SMYD3: variants seen among roughly 807,000 people sequenced by gnomAD.
The protein encoded by SMYD3 is histone-lysine N-methyltransferase SMYD3.
SMYD3 carries 36 observed loss-of-function variants against 57.7 expected under a neutral mutation model. That is an observed-to-expected ratio of 0.62 (90% CI 0.48 to 0.82). The LOEUF is 0.82. SMYD3 is among the 40% of genes least tolerant of loss of function. The probability of loss-of-function intolerance (pLI) is 0.00; values close to 1 mark genes in which losing one functional copy is unlikely to be tolerated. For missense variants in SMYD3, 515 were observed against 538.8 expected (o/e 0.96, Z 0.44); for synonymous variants, 211 against 195.0 (o/e 1.08, Z -0.68).
chr1:246,325,489 A>T (rs541559360), intron 5 of SMYD3, among the ~76,000 whole-genome samples: 8 of 152,252 alleles, frequency 5.3e-5, no homozygotes, highest in Non-Finnish European at 1.2e-4. Flanking sequence ...AAAATCTCAA[A>T]ACTGTGTATT....
chr1:246,452,868 A>G (rs1468540817), intron 1 of SMYD3, among the ~76,000 whole-genome samples: 1 of 152,218 alleles, frequency 6.6e-6, no homozygotes, highest in Non-Finnish European at 1.5e-5. Flanking sequence ...CATTACTGAA[A>G]CACTAAAACA....
chr1:245,965,178 A>G (rs1353876379), intron 5 of SMYD3, among the ~76,000 whole-genome samples: 1 of 152,246 alleles, frequency 6.6e-6, no homozygotes, highest in Non-Finnish European at 1.5e-5. Context: ...TCAAAATAAT[A>G]GCAACAATGT....
At chr1:246,006,499 C>G (rs981416138) in intron 5 of SMYD3, among the ~76,000 whole-genome samples, 1 of 152,138 alleles carries the variant, frequency 6.6e-6, no homozygotes, top group Non-Finnish European at 1.5e-5. Context: ...CTGTCTTTCC[C>G]CACATACTTA....
intron 5 of SMYD3, among the ~76,000 whole-genome samples, chr1:246,279,511 C>T (rs775990593): frequency 2.6e-5 from 4 of 152,044 alleles, no homozygotes; most frequent in African/African-American, 9.7e-5. Context: ...CAGAGTAAGA[C>T]TCCTTCTCAA....
intron 1 of SMYD3, among the ~76,000 whole-genome samples, chr1:246,359,889 G>C (rs947538026): frequency 6.6e-6 from 1 of 152,096 alleles, no homozygotes; most frequent in Non-Finnish European, 1.5e-5. Flanking sequence ...CATTCCCCCT[G>C]AGAAATGAAA....
intron 1 of SMYD3, among the ~76,000 whole-genome samples, chr1:246,465,270 A>G (rs1054044721): frequency 6.6e-6 from 1 of 152,212 alleles, no homozygotes; most frequent in Non-Finnish European, 1.5e-5. Flanking sequence ...ATGGCAGGAG[A>G]TGGTATTCTA....
intron 5 of SMYD3, among the ~76,000 whole-genome samples, chr1:245,987,897 A>C (rs2058734175): frequency 6.6e-6 from 1 of 152,210 alleles, no homozygotes; most frequent in African/African-American, 2.4e-5. Flanking sequence ...CATCTCTGAA[A>C]CTTAAAAAGA....
intron 8 of SMYD3, among the ~76,000 whole-genome samples, chr1:245,910,109 G>A (rs887430000): frequency 6.6e-6 from 1 of 152,018 alleles, no homozygotes; most frequent in African/African-American, 2.4e-5. Flanking sequence ...CAGTTAAGTC[G>A]CAGGATACAA....
intron 5 of SMYD3, among the ~76,000 whole-genome samples, chr1:246,063,645 T>TTCTC (rs559302426): frequency 1.4e-5 from 2 of 139,604 alleles, no homozygotes; most frequent in East Asian, 5.0e-4. Context: ...CTCCCTCCCT[T>TTCTC]TCTCTCTCTC....
Position 246,507,273 on chromosome 1 carries a change from A to C in SMYD3, c.-56T>G. 7.0e-7 allele frequency: 1 copy of C among 1,437,906 alleles called. No individual in the cohort carries two copies. The highest frequency in any genetic ancestry group is 9.2e-7 in the Non-Finnish European group (1 of 1,089,286). The allele number at this position is 1,437,906 out of a possible 1,614,324, so 89.1% of individuals were successfully genotyped here. A position where few individuals can be genotyped will look rare whatever the true frequency, so the allele number is the denominator to read the frequency against. ...ACCCGCGTCCAGCAGCGGGCGTCTC[A>C]CGGGCTGCCGGGACCCGCGCGCCTG... is the stretch of plus-strand genomic sequence containing the variant. On this transcript the variant is annotated 5_prime_UTR_variant, in exon 1 of 12. Coordinates refer to ENST00000490107, the MANE Select transcript of SMYD3 (RefSeq NM_001167740.2).
chr1:245,909,503 CAA>C (rs1249352227), intron 8 of SMYD3, among the ~76,000 whole-genome samples: 5 of 152,008 alleles, frequency 3.3e-5, no homozygotes, highest in African/African-American at 1.2e-4. Flanking sequence ...TAAAACTAGA[CAA>C]AGGCACAACA....
chr1:246,197,998 C>A (rs1157894885), intron 5 of SMYD3, among the ~76,000 whole-genome samples: 1 of 152,156 alleles, frequency 6.6e-6, no homozygotes, highest in East Asian at 1.9e-4. Flanking sequence ...ACTGCTGGAT[C>A]TGAATCCCGT....
intron 5 of SMYD3, among the ~76,000 whole-genome samples, chr1:246,216,757 T>C (rs1199579168): frequency 1.3e-5 from 2 of 152,096 alleles, no homozygotes; most frequent in East Asian, 3.9e-4. Context: ...GAAAGAAATA[T>C]CCTTAGAGTA....
intron 5 of SMYD3, among the ~76,000 whole-genome samples, chr1:245,954,758 A>G (rs773887754): frequency 2.6e-5 from 4 of 152,200 alleles, no homozygotes; most frequent in Non-Finnish European, 5.9e-5. Context: ...CCACTCTCAC[A>G]TTCAGCCCTT....
chr1:245,850,241 G>A (rs1028391516), intron 10 of SMYD3, among the ~76,000 whole-genome samples: 2 of 152,150 alleles, frequency 1.3e-5, no homozygotes, highest in African/African-American at 4.8e-5. Flanking sequence ...TCTCAGAAAT[G>A]CCACTGCACA....
chr1:246,213,394 G>T (rs2063118640), intron 5 of SMYD3, among the ~76,000 whole-genome samples: 1 of 152,184 alleles, frequency 6.6e-6, no homozygotes, highest in African/African-American at 2.4e-5. Flanking sequence ...CAAAACTCCA[G>T]TGAGTTTTGA....
chr1:246,355,028 T>C lies in SMYD3; in HGVS notation c.228+3A>G, dbSNP rs375774402. The stretch of plus-strand genomic sequence containing the variant: ...TCACTTATATATGGCTGAAAAGTCT[T>C]ACCTGACACTTAGCACTACAGTATT... On this transcript the variant is annotated splice_donor_region_variant and intron_variant, in intron 2 of 11. Coordinates refer to ENST00000490107, the MANE Select transcript of SMYD3 (RefSeq NM_001167740.2). This position sits in a 1 kb window ranked among gnomAD's most constrained non-coding sequence, Gnocchi z 5.0. The C allele has an allele frequency of 1.2e-6, 2 of 1,614,042 alleles. No individual in the cohort carries two copies. Among genetic ancestry groups the C allele is most frequent in the Non-Finnish European group, 1.7e-6 (2 of 1,179,906 alleles).
chr1:246,246,474 G>A (rs2063706434), intron 5 of SMYD3, among the ~76,000 whole-genome samples: 1 of 152,090 alleles, frequency 6.6e-6, no homozygotes, highest in South Asian at 2.1e-4. Context: ...TTTCTAAAAT[G>A]AAGTCATTAT....
At chr1:246,334,332 G>A (rs2065507551) in intron 3 of SMYD3, among the ~76,000 whole-genome samples, 1 of 152,020 alleles carries the variant, frequency 6.6e-6, no homozygotes, top group Non-Finnish European at 1.5e-5. Context: ...ACAGCACAAT[G>A]GATAAAGAAA....
Sources: allele counts gnomAD v4.1 joint callset (sites outside exome capture counted in the v4.1 genomes callset), GRCh38; gene constraint gnomAD v4.1.1; non-coding constraint Gnocchi (gnomAD v3.1); transcripts MANE v1.5; gene names NCBI Gene and HGNC (gene_info 2026-07-23, HGNC 2026-07-21).